ACTN4: variants seen among roughly 807,000 people sequenced by gnomAD.
The protein encoded by ACTN4 is alpha-actinin-4.
Under a neutral mutation model 114.2 loss-of-function variants are expected in ACTN4, and 18 were observed. That is an observed-to-expected ratio of 0.16 (90% CI 0.11 to 0.23). The LOEUF is 0.23. Among genes scored for constraint, ACTN4 ranks in the 10% least tolerant of loss-of-function variants. ACTN4 has a pLI of 1.00. For missense variants in ACTN4, 722 were observed against 1,262.9 expected, an observed-to-expected ratio of 0.57 and a Z score of 6.49; for synonymous variants, 515 against 506.3, an observed-to-expected ratio of 1.02 and a Z score of -0.23.
At chr19:38,709,315 T>A in intron 6 of ACTN4, 80 bp from the exon 7 acceptor site, 1 of 1,114,810 alleles carries the variant, frequency 9.0e-7, no homozygotes, top group Non-Finnish European at 1.4e-6. Context: ...GGTCTCTCCC[T>A]CTGGGCCAGC....
Position 38,730,199 on chromosome 19 carries a change from A to G in ACTN4, c.*767A>G, listed in dbSNP as rs1285930858. The G allele has an allele frequency of 1.3e-5, 2 of 157,142 alleles. No homozygotes were observed. Among genetic ancestry groups the G allele is most frequent in the African/African-American group, 4.8e-5 (2 of 41,402 alleles). 9.7% of individuals were successfully genotyped at this position (157,142 alleles called of 1,614,324 possible). A position where few individuals can be genotyped will look rare whatever the true frequency, so the allele number is the denominator to read the frequency against. ...AAGAATTAAAAACTTTCAGAGAATTACTATTTACTTTATTAACTTACGGAT... is the reference window on the plus strand; with the variant it reads ...AAGAATTAAAAACTTTCAGAGAATTGCTATTTACTTTATTAACTTACGGAT... On this transcript the variant is annotated 3_prime_UTR_variant, in exon 21 of 21. Transcript: ENST00000252699.
chr19:38,718,592 C>T (rs905391216), intron 11 of ACTN4, among the ~76,000 whole-genome samples: 2 of 152,150 alleles, frequency 1.3e-5, no homozygotes, highest in African/African-American at 2.4e-5. Context: ...AAGCAGGGAC[C>T]ATTCAGGGGC....
chr19:38,709,233 C>T (rs115496833), intron 6 of ACTN4, among the ~76,000 whole-genome samples, 162 bp from the exon 7 acceptor site: 3 of 152,228 alleles, frequency 2.0e-5, no homozygotes, highest in South Asian at 4.1e-4. Context: ...TTTATCCAGG[C>T]GGTGCCCTCC....
intron 11 of ACTN4, 70 bp downstream of exon 11, chr19:38,718,144 A>G (rs1189546387): frequency 1.3e-6 from 2 of 1,555,750 alleles, no homozygotes; most frequent in Non-Finnish European, 1.7e-6. Context: ...TCAGGCATGC[A>G]TGGGTGTGCA....
chr19:38,656,255 G>T (rs1230722149), intron 1 of ACTN4, among the ~76,000 whole-genome samples: 1 of 152,132 alleles, frequency 6.6e-6, no homozygotes, highest in Non-Finnish European at 1.5e-5. Context: ...TGGGACTAGA[G>T]GTGCACACCA....
At chr19:38,668,286 G>T in intron 1 of ACTN4, among the ~76,000 whole-genome samples, 1 of 152,158 alleles carries the variant, frequency 6.6e-6, no homozygotes, top group East Asian at 1.9e-4. Context: ...CCTGTGATTT[G>T]TTAATATTCT....
intron 1 of ACTN4, among the ~76,000 whole-genome samples, chr19:38,672,485 C>T (rs1967161867): frequency 6.6e-6 from 1 of 151,890 alleles, no homozygotes; most frequent in African/African-American, 2.4e-5. Context: ...AAGTGACCCA[C>T]TCGCCTTGGC....
intron 1 of ACTN4, among the ~76,000 whole-genome samples, chr19:38,680,212 GTTTTTTTTT>G (rs75920199): frequency 2.4e-5 from 3 of 124,340 alleles, no homozygotes; most frequent in African/African-American, 1.0e-4. Flanking sequence ...AGCTCAGGAA[GTTTTTTTTT>G]TTTTTTTTTT....
rs550083317 is a variant in ACTN4, at chr19:38,701,111, C to T, written c.387C>T (p.Ile129=). ...GCAAAGGCGTCAAGCTGGTCTCCAT[C>T]GGGGCAGAAGGTGAGCTGGAGGTGG... The part of the protein sequence containing the change: ...IASKGVKLVS[I]GAEEIVDGNA... The change falls in exon 3 of 21, where the codon ATC becomes ATT. Residue 129 remains isoleucine (I), a synonymous_variant. Coordinates refer to ENST00000252699, the MANE Select transcript of ACTN4 (RefSeq NM_004924.6). The T allele has an allele frequency of 4.3e-5, 69 of 1,614,016 alleles. 1 individual carries two copies. In the South Asian group the frequency reaches 6.8e-4, roughly 16 times the overall value.
At chr19:38,648,097 A>C in intron 1 of ACTN4, 190 bp downstream of exon 1, 1 of 605,318 alleles carries the variant, frequency 1.7e-6, no homozygotes, top group Non-Finnish European at 2.5e-6. Context: ...GGAATTGGGA[A>C]TCTGAAAAGA....
intron 1 of ACTN4, chr19:38,648,110 A>G: frequency 1.8e-6 from 1 of 555,106 alleles, no homozygotes; most frequent in African/African-American, 2.0e-5. Context: ...TGAAAAGAGA[A>G]TTGGCGGCTG....
chr19:38,675,170 A>G (rs1427105412), intron 1 of ACTN4, among the ~76,000 whole-genome samples: 1 of 152,238 alleles, frequency 6.6e-6, no homozygotes, highest in Non-Finnish European at 1.5e-5. Context: ...TTTGTAGACA[A>G]GCACAAACTA....
At position 38,731,064 on chromosome 19, in the gene ACTN4, T is replaced by C; in HGVS notation, c.*1632T>C. On this transcript the variant is annotated 3_prime_UTR_variant, in exon 21 of 21. Transcript: ENST00000252699. ...CAGGGTGAGTGCCCACCAGTCCCCG[T>C]ACCCCTTCCCCCCATGCCCCACCAT... The C allele has an allele frequency of 1.3e-6, 2 of 1,568,646 alleles. No homozygotes were observed. The highest frequency in any genetic ancestry group is 1.2e-5 in the South Asian group (1 of 85,972).
chr19:38,723,217 G>A (rs1338197052), intron 12 of ACTN4, among the ~76,000 whole-genome samples: 3 of 152,210 alleles, frequency 2.0e-5, no homozygotes, highest in African/African-American at 7.2e-5. Flanking sequence ...TCCGCTGTCT[G>A]TGGCTGGCTC....
intron 1 of ACTN4, among the ~76,000 whole-genome samples, chr19:38,696,056 C>T (rs1384360929): frequency 3.9e-5 from 6 of 152,176 alleles, no homozygotes; most frequent in Admixed American, 1.3e-4. Context: ...GAGATGATTA[C>T]GAGGGTGACA....
chr19:38,690,217 A>G (rs1330979569), intron 1 of ACTN4, among the ~76,000 whole-genome samples: 5 of 151,986 alleles, frequency 3.3e-5, no homozygotes, highest in South Asian at 4.2e-4. Context: ...GCAACTGCAC[A>G]CTCTTCTGGT....
chr19:38,709,452 A>G lies in ACTN4; in HGVS notation c.709A>G (p.Ile237Val). The change falls in exon 7 of 21, where the codon ATC becomes GTC. Residue 237 changes from isoleucine (I) to valine (V), a missense_variant. Physicochemically the swap from Ile to Val is conservative, Grantham distance 29. This residue lies in a region of ACTN4 where 127 missense variants were observed against 311.3 expected (regional missense o/e 0.41). Transcript: ENST00000252699. ...CGAAGTGGCTGAGAAATACCTCGAC[A>G]TCCCCAAGATGCTGGATGCAGAGGG... ...AFEVAEKYLD[I>V]PKMLDAEDIV... is the part of the protein sequence containing the mutation. 1 of 1,614,138 alleles carries G rather than the reference A, an allele frequency of 6.2e-7. No homozygotes were observed. The highest frequency in any genetic ancestry group is 8.5e-7 in the Non-Finnish European group (1 of 1,179,972).
intron 8 of ACTN4, among the ~76,000 whole-genome samples, chr19:38,712,054 G>A (rs1184523022): frequency 6.6e-6 from 1 of 152,218 alleles, no homozygotes; most frequent in East Asian, 1.9e-4. Flanking sequence ...AGTTGGCACA[G>A]GTTCAGAGGA....
At chr19:38,705,441 G>A (rs1174454615) in intron 4 of ACTN4, among the ~76,000 whole-genome samples, 1 of 152,196 alleles carries the variant, frequency 6.6e-6, no homozygotes, top group African/African-American at 2.4e-5. Context: ...GTCCAGGAAT[G>A]GACAATTTCG....
Sources: gnomAD v4.1 joint callset for allele counts (sites outside exome capture counted in the v4.1 genomes callset) on GRCh38, gnomAD v4.1.1 for gene constraint, gnomAD v4.1.1 regional missense constraint, MANE v1.5 for transcripts, NCBI Gene and HGNC (gene_info 2026-07-23, HGNC 2026-07-21) for gene names.